The following EYA4 variants were observed in gnomAD, a reference collection of about 807,000 sequenced individuals.
The protein encoded by EYA4 is EYA transcriptional coactivator and phosphatase 4.
EYA4 carries 31 observed loss-of-function variants against 87.9 expected under a neutral mutation model. The observed-to-expected ratio is 0.35, with a 90% CI of 0.27 to 0.48. The LOEUF (loss-of-function observed/expected upper bound fraction) is 0.48, where lower values mean the gene tolerates loss of function less well. EYA4 is among the 20% of genes least tolerant of loss of function. EYA4 has a pLI of 0.99. For synonymous variants in EYA4, 263 were observed against 270.6 expected (o/e 0.97, Z 0.28); for missense variants, 678 against 761.4 (o/e 0.89, Z 1.29).
chr6:133,435,881 AC>A (rs762528758), intron 3 of EYA4, among the ~76,000 whole-genome samples: 73 of 151,084 alleles, frequency 4.8e-4, no homozygotes, highest in African/African-American at 1.6e-3. Context: ...ACACACACAC[AC>A]CCCCCCTCAC....
chr6:133,296,795 G>A (rs778106043), intron 2 of EYA4, among the ~76,000 whole-genome samples: 1 of 151,884 alleles, frequency 6.6e-6, no homozygotes, highest in Non-Finnish European at 1.5e-5. Flanking sequence ...CATCTATCAG[G>A]TGTCCATTTA....
intron 17 of EYA4, among the ~76,000 whole-genome samples, chr6:133,519,478 G>C (rs1799912956): frequency 6.6e-6 from 1 of 151,204 alleles, no homozygotes; most frequent in Non-Finnish European, 1.5e-5. Context: ...ACCAATAACA[G>C]GATCTGAAAT....
intron 2 of EYA4, among the ~76,000 whole-genome samples, chr6:133,317,447 T>A (rs1187113920): frequency 6.6e-6 from 1 of 152,220 alleles, no homozygotes. Flanking sequence ...TATGATTTTA[T>A]TATGAATTAT....
chr6:133,527,791 T>G (rs1800755330), intron 19 of EYA4, among the ~76,000 whole-genome samples: 1 of 152,192 alleles, frequency 6.6e-6, no homozygotes, highest in African/African-American at 2.4e-5. Flanking sequence ...ATATACTCAT[T>G]TCCCTTATAT....
At chr6:133,385,501 T>C (rs1284701274) in intron 3 of EYA4, among the ~76,000 whole-genome samples, 1 of 151,330 alleles carries the variant, frequency 6.6e-6, no homozygotes, top group African/African-American at 2.4e-5. Flanking sequence ...AGTTTTATTC[T>C]AAACAAATAT....
chr6:133,263,584 G>A (rs1243380284), intron 1 of EYA4, among the ~76,000 whole-genome samples: 1 of 152,180 alleles, frequency 6.6e-6, no homozygotes, highest in Non-Finnish European at 1.5e-5. Context: ...TCGTGCAACT[G>A]GAGAAGACTT....
chr6:133,407,594 A>G (rs765992726), intron 3 of EYA4, among the ~76,000 whole-genome samples: 6 of 152,118 alleles, frequency 3.9e-5, no homozygotes, highest in Non-Finnish European at 8.8e-5. Context: ...GATAACATGC[A>G]ATCATAAATC....
intron 3 of EYA4, among the ~76,000 whole-genome samples, chr6:133,412,029 C>G (rs1789285997): frequency 6.6e-6 from 1 of 152,134 alleles, no homozygotes; most frequent in African/African-American, 2.4e-5. Flanking sequence ...CTGTTCTGTT[C>G]CCTTCTTCAA....
intron 2 of EYA4, among the ~76,000 whole-genome samples, chr6:133,304,325 C>T (rs62430315): frequency 0.12 from 17,686 of 152,044 alleles, 1,299 homozygotes; most frequent in Non-Finnish European, 0.17. Context: ...GGAGCTGTGC[C>T]GGATTCTCTG....
chr6:133,428,911 C>CTTCTTTTTTTTTTTTTTT (rs1790919538), intron 3 of EYA4, among the ~76,000 whole-genome samples: 1 of 48,230 alleles, frequency 2.1e-5, no homozygotes, highest in Non-Finnish European at 3.6e-5. Context: ...GATTTAGCTT[C>CTTCTTTTTTTTTTTTTTT]TTTTTTTTTT....
At chr6:133,302,784 C>CT in intron 2 of EYA4, among the ~76,000 whole-genome samples, 1 of 152,234 alleles carries the variant, frequency 6.6e-6, no homozygotes, top group South Asian at 2.1e-4. Context: ...AAATGAAAAT[C>CT]TTTTTGAAAA....
chr6:133,468,798 G>A lies in EYA4; in HGVS notation c.970+67G>A, dbSNP rs2128675332. ...CAATATCTAATAAAACGGAGAAAGT[G>A]GACATTCCAAAAACATGGCGGAAAG... On this transcript the variant is annotated intron_variant, in intron 11 of 19. Transcript: ENST00000355286. 3 of 1,516,146 alleles carry A rather than the reference G, an allele frequency of 2.0e-6. No individual in the cohort carries two copies. The South Asian group carries it at 3.4e-5, about 17-fold the overall frequency. The allele number at this position is 1,516,146 out of a possible 1,614,324, so 93.9% of individuals were successfully genotyped here. A position where few individuals can be genotyped will look rare whatever the true frequency, so the allele number is the denominator to read the frequency against.
chr6:133,324,163 C>T (rs1781313124), intron 2 of EYA4, among the ~76,000 whole-genome samples: 2 of 152,034 alleles, frequency 1.3e-5, no homozygotes, highest in South Asian at 4.1e-4. Flanking sequence ...CATTTTGTAG[C>T]TTCATAGTAG....
chr6:133,242,184 G>T (rs1035981633), intron 1 of EYA4, among the ~76,000 whole-genome samples: 1 of 152,192 alleles, frequency 6.6e-6, no homozygotes, highest in African/African-American at 2.4e-5. Context: ...ACTTTCTGAT[G>T]ACCCCCTAGA....
At chr6:133,508,825 C>G (rs1052912076) in intron 14 of EYA4, among the ~76,000 whole-genome samples, 1 of 152,076 alleles carries the variant, frequency 6.6e-6, no homozygotes, top group South Asian at 2.1e-4. Flanking sequence ...TTCAAAAATA[C>G]CTGGCAGGAT....
chr6:133,245,476 A>G (rs1488303869), intron 1 of EYA4, among the ~76,000 whole-genome samples: 1 of 152,208 alleles, frequency 6.6e-6, no homozygotes, highest in African/African-American at 2.4e-5. Flanking sequence ...TCTTAAACTA[A>G]TTATATTCAG....
Position 133,468,692 on chromosome 6 carries a change from C to A in EYA4, c.931C>A (p.Gln311Lys). 6.2e-7 allele frequency: 1 copy of A among 1,613,096 alleles called. No individual in the cohort carries two copies. The highest frequency in any genetic ancestry group is 8.5e-7 in the Non-Finnish European group (1 of 1,179,288). ...CACACCCTCTTCAACCTCTACTTAT[C>A]AGTTGCAGGAATCTCTCCCAGGACT... The part of the protein sequence containing the change: ...DGTPSSTSTY[Q>K]LQESLPGLTN... Residue 311 changes from glutamine (Q) to lysine (K), a missense_variant, in exon 11 of 20, where the codon CAG becomes AAG. Physicochemically the swap from Gln to Lys is moderately conservative, Grantham distance 53. Transcript: ENST00000355286.
intron 3 of EYA4, among the ~76,000 whole-genome samples, chr6:133,438,349 G>A (rs12665690): frequency 2.0e-5 from 3 of 149,438 alleles, no homozygotes; most frequent in Non-Finnish European, 4.4e-5. Flanking sequence ...TCTCTGCTCC[G>A]TTCTATGGTG....
chr6:133,508,831 A>C (rs1418200015), intron 14 of EYA4, among the ~76,000 whole-genome samples: 1 of 152,226 alleles, frequency 6.6e-6, no homozygotes, highest in African/African-American at 2.4e-5. Context: ...AATACCTGGC[A>C]GGATCTTTGG....
Sources: gnomAD v4.1 joint callset for allele counts (sites outside exome capture counted in the v4.1 genomes callset) on GRCh38, gnomAD v4.1.1 for gene constraint, MANE v1.5 for transcripts, NCBI Gene and HGNC (gene_info 2026-07-23, HGNC 2026-07-21) for gene names.